Variants in BECN2 observed in about 807,000 individuals in gnomAD.
BECN2 encodes the protein beclin-2.
For missense variants in BECN2, 428 were observed against 507.9 expected (o/e 0.84, Z 1.51); for synonymous variants, 173 against 220.1 (o/e 0.79, Z 1.90).
chr1:241,957,876 C>G lies in BECN2; in HGVS notation c.110C>G (p.Ala37Gly). Reference sequence around the variant, plus strand: ...GCCCCGGCGCCCACCTCTGGGCAGGCTGAGCCCGGAGACACCCGGGAGCCC... The same window carrying G: ...GCCCCGGCGCCCACCTCTGGGCAGGGTGAGCCCGGAGACACCCGGGAGCCC... ...PAAPAPTSGQ[A>G]EPGDTREPGV... The change falls in exon 1 of 1, where the codon GCT becomes GGT. Residue 37 changes from alanine (A) to glycine (G), a missense_variant. Coordinates refer to ENST00000419583, the MANE Select transcript of BECN2 (RefSeq NM_001290693.1). 5 of 1,231,442 alleles carry G rather than the reference C, an allele frequency of 4.1e-6. No individual in the cohort carries two copies. In the African/African-American group the frequency reaches 7.8e-5, roughly 19 times the overall value. 76.3% of individuals were successfully genotyped at this position (1,231,442 alleles called of 1,614,324 possible). A position where few individuals can be genotyped will look rare whatever the true frequency, so the allele number is the denominator to read the frequency against.
In BECN2 at chr1:241,958,292, C is replaced by T. The variant is rs1664461315; in HGVS notation, c.526C>T (p.Leu176=). Residue 176 remains leucine, a synonymous_variant, in exon 1 of 1, where the codon CTG becomes TTG. Transcript: ENST00000419583. The part of the protein sequence containing the change: ...LRDLELEEAR[L]VQELEDVDRN... The stretch of plus-strand genomic sequence containing the variant: ...GGACCTGGAGCTGGAGGAGGCCAGG[C>T]TGGTGCAGGAGCTGGAGGATGTGGA... 5 of 1,233,784 alleles carry T rather than the reference C, an allele frequency of 4.1e-6. No individual in the cohort carries two copies. In the South Asian group the frequency reaches 2.1e-4, roughly 51 times the overall value. 76.4% of individuals were successfully genotyped at this position (1,233,784 alleles called of 1,614,324 possible).
In BECN2 at chr1:241,958,083, T is replaced by G; in HGVS notation, c.317T>G (p.Ile106Arg). 8.1e-7 allele frequency: 1 copy of G among 1,231,952 alleles called. No individual in the cohort carries two copies. The highest frequency in any genetic ancestry group is 1.0e-6 in the Non-Finnish European group (1 of 988,120). 76.3% of individuals were successfully genotyped at this position (1,231,952 alleles called of 1,614,324 possible). A position where few individuals can be genotyped will look rare whatever the true frequency, so the allele number is the denominator to read the frequency against. The change falls in exon 1 of 1, where the codon ATA becomes AGA. Residue 106 changes from isoleucine to arginine, a missense_variant. Ile to Arg is a moderately conservative substitution (Grantham distance 97, BLOSUM62 -3). Coordinates refer to ENST00000419583, the MANE Select transcript of BECN2 (RefSeq NM_001290693.1). ...IQKAAGDIFD[I>R]VSGQAVVDHP... Reference sequence around the variant, plus strand: ...AAGGCAGCTGGTGACATTTTTGACATAGTCTCTGGCCAAGCAGTTGTGGAC... The same window carrying G: ...AAGGCAGCTGGTGACATTTTTGACAGAGTCTCTGGCCAAGCAGTTGTGGAC...
At position 241,958,531 on chromosome 1, in the gene BECN2, G is replaced by T; in HGVS notation, c.765G>T (p.Thr255=). Residue 255 remains threonine (T), a synonymous_variant, in exon 1 of 1, where the codon ACG becomes ACT. Transcript: ENST00000419583. ...AGGAAATCAACTGTTTCACCGCCAC[G>T]TTTGAGATCTGGGTGGAGGGCCCCT... ...RLKEINCFTA[T]FEIWVEGPLG... 6.5e-6 allele frequency: 8 copies of T among 1,231,796 alleles called. No homozygotes were observed. Among genetic ancestry groups the T allele is most frequent in the Admixed American group, 4.2e-5 (1 of 23,710 alleles). 76.3% of individuals were successfully genotyped at this position (1,231,796 alleles called of 1,614,324 possible). A position where few individuals can be genotyped will look rare whatever the true frequency, so the allele number is the denominator to read the frequency against.
Position 241,957,803 on chromosome 1 carries a change from C to A in BECN2, c.37C>A (p.Gln13Lys), listed in dbSNP as rs969447773. The change falls in exon 1 of 1, where the codon CAG becomes AAG. Residue 13 changes from glutamine (Q) to lysine (K), a missense_variant. Physicochemically the swap from Gln to Lys is moderately conservative, Grantham distance 53. Transcript: ENST00000419583. Reference protein sequence around the residue: ...SIRFLCQRCHQALKLSGSSES... With the variant: ...SIRFLCQRCHKALKLSGSSES... ...CCGCTTCCTGTGCCAGCGCTGCCAC[C>A]AGGCCCTGAAGCTGAGCGGCTCCTC... 4.1e-5 allele frequency: 50 copies of A among 1,231,700 alleles called. No individual in the cohort carries two copies. The highest frequency in any genetic ancestry group is 4.7e-5 in the Non-Finnish European group (46 of 988,024). The allele number at this position is 1,231,700 out of a possible 1,614,324, so 76.3% of individuals were successfully genotyped here. A position where few individuals can be genotyped will look rare whatever the true frequency, so the allele number is the denominator to read the frequency against.
chr1:241,958,914 G>GTCCCT, the BECN2 span: 1 of 1,231,794 alleles, frequency 8.1e-7, no homozygotes. Context: ...GTGGAGACAG[G>GTCCCT]CCTGATGGAG....
chr1:241,957,841 C>A lies in BECN2; in HGVS notation c.75C>A (p.Ser25Arg). Residue 25 changes from serine (S) to arginine (R), a missense_variant, in exon 1 of 1, where the codon AGC (serine) becomes AGA (arginine). Transcript: ENST00000419583. ...LKLSGSSESRSLPAAPAPTSG... is the reference protein window; with the variant it reads ...LKLSGSSESRRLPAAPAPTSG... The stretch of plus-strand genomic sequence containing the variant: ...TGAGCGGCTCCTCGGAGTCTAGGAG[C>A]CTCCCTGCAGCCCCGGCGCCCACCT... 8.1e-7 allele frequency: 1 copy of A among 1,231,820 alleles called. No homozygotes were observed. Among genetic ancestry groups the A allele is most frequent in the Non-Finnish European group, 1.0e-6 (1 of 988,052 alleles). The allele number at this position is 1,231,820 out of a possible 1,614,324, so 76.3% of individuals were successfully genotyped here. A position where few individuals can be genotyped will look rare whatever the true frequency, so the allele number is the denominator to read the frequency against.
chr1:241,957,898 G>T lies in BECN2; in HGVS notation c.132G>T (p.Glu44Asp). The change falls in exon 1 of 1, where the codon GAG becomes GAT. Residue 44 changes from glutamate to aspartate, a missense_variant. By Grantham distance (45) the Glu-to-Asp change is conservative. Transcript: ENST00000419583. ...AGGCTGAGCCCGGAGACACCCGGGA[G>T]CCCGGCGTCACCACCAGGGAGGTGA... Reference protein sequence around the residue: ...SGQAEPGDTREPGVTTREVTD... With the variant: ...SGQAEPGDTRDPGVTTREVTD... 8.1e-7 allele frequency: 1 copy of T among 1,231,230 alleles called. No homozygotes were observed. Among genetic ancestry groups the T allele is most frequent in the Non-Finnish European group, 1.0e-6 (1 of 988,090 alleles). The allele number at this position is 1,231,230 out of a possible 1,614,324, so 76.3% of individuals were successfully genotyped here. A position where few individuals can be genotyped will look rare whatever the true frequency, so the allele number is the denominator to read the frequency against.
chr1:241,957,973 C>A lies in BECN2; in HGVS notation c.207C>A (p.Gly69=), dbSNP rs1664453693. The A allele has an allele frequency of 3.2e-6, 4 of 1,231,834 alleles. No individual in the cohort carries two copies. Among genetic ancestry groups the A allele is most frequent in the Non-Finnish European group, 4.0e-6 (4 of 988,042 alleles). The allele number at this position is 1,231,834 out of a possible 1,614,324, so 76.3% of individuals were successfully genotyped here. The change falls in exon 1 of 1, where the codon GGC becomes GGA. Residue 69 remains glycine (G), a synonymous_variant. Coordinates refer to ENST00000419583, the MANE Select transcript of BECN2 (RefSeq NM_001290693.1). ...GTGCCTCTAGCAGATCCCCTCCAGG[C>A]GATGGCAGTGTGTCCAAGGGCCATG... ...QDGASSRSPP[G]DGSVSKGHAN...
chr1:241,958,246 G>A lies in BECN2; in HGVS notation c.480G>A (p.Ala160=), dbSNP rs2148586869. 8 of 1,233,960 alleles carry A rather than the reference G, an allele frequency of 6.5e-6. No homozygotes were observed. Among genetic ancestry groups the A allele is most frequent in the South Asian group, 8.2e-5 (2 of 24,368 alleles). The allele number at this position is 1,233,960 out of a possible 1,614,324, so 76.4% of individuals were successfully genotyped here. ...GELATSEDEA[A]ALRAELRDLE... is the part of the protein sequence containing the mutation. ...TGGCGACCAGCGAGGACGAGGCGGCGGCGCTGCGGGCGGAGCTGCGGGACC... is the reference window on the plus strand; with the variant it reads ...TGGCGACCAGCGAGGACGAGGCGGCAGCGCTGCGGGCGGAGCTGCGGGACC... Residue 160 remains alanine (A), a synonymous_variant, in exon 1 of 1, where the codon GCG becomes GCA. Coordinates refer to ENST00000419583, the MANE Select transcript of BECN2 (RefSeq NM_001290693.1).
At position 241,958,938 on chromosome 1, in the gene BECN2, G is replaced by T; in HGVS notation, c.1172G>T (p.Arg391Leu). 1 of 1,231,830 alleles carries T rather than the reference G, an allele frequency of 8.1e-7. No individual in the cohort carries two copies. Among genetic ancestry groups the T allele is most frequent in the African/African-American group, 1.5e-5 (1 of 64,540 alleles). The allele number at this position is 1,231,830 out of a possible 1,614,324, so 76.3% of individuals were successfully genotyped here. ...GGCCTGATGGAGGACGTTGGCGGCC[G>T]AGGGGAATGCTATTCCATCAGAACC... ...ETGLMEDVGG[R>L]GECYSIRTHL... is the part of the protein sequence containing the mutation. The change falls in exon 1 of 1, where the codon CGA becomes CTA. Residue 391 changes from arginine (R) to leucine (L), a missense_variant. By Grantham distance (102) the Arg-to-Leu change is moderately radical. Transcript: ENST00000419583.
In BECN2 at chr1:241,958,347, T is replaced by G. The variant is rs929480534; in HGVS notation, c.581T>G (p.Leu194Arg). ...DRNNARAAAD[L>R]QAAQAEAAEL... ...AACAATGCAAGAGCAGCGGCGGATC[T>G]CCAGGCAGCCCAGGCAGAGGCTGCG... The change falls in exon 1 of 1, where the codon CTC becomes CGC. Residue 194 changes from leucine (L) to arginine (R), a missense_variant. Leu to Arg is a moderately radical substitution (Grantham distance 102). Coordinates refer to ENST00000419583, the MANE Select transcript of BECN2 (RefSeq NM_001290693.1). 8.1e-7 allele frequency: 1 copy of G among 1,233,040 alleles called. No homozygotes were observed. Among genetic ancestry groups the G allele is most frequent in the Non-Finnish European group, 1.0e-6 (1 of 989,098 alleles). 76.4% of individuals were successfully genotyped at this position (1,233,040 alleles called of 1,614,324 possible).
rs1322978892 is a variant in BECN2 at position 241,958,641 on chromosome 1, C to A, written c.875C>A (p.Ala292Glu). 5 of 1,231,694 alleles carry A rather than the reference C, an allele frequency of 4.1e-6. No homozygotes were observed. Among genetic ancestry groups the A allele is most frequent in the Non-Finnish European group, 4.0e-6 (4 of 988,036 alleles). 76.3% of individuals were successfully genotyped at this position (1,231,694 alleles called of 1,614,324 possible). The change falls in exon 1 of 1, where the codon GCG becomes GAG. Residue 292 changes from alanine to glutamate, a missense_variant. Transcript: ENST00000419583. ...GAGATTAACACTGCCTGGGGACAGG[C>A]GGCCTTGCTGCTCCTTACCCTGGCC... ...WNEINTAWGQ[A>E]ALLLLTLANT... is the part of the protein sequence containing the mutation.
Position 241,958,307 on chromosome 1 carries a change from G to C in BECN2, c.541G>C (p.Glu181Gln). Residue 181 changes from glutamate (E) to glutamine (Q), a missense_variant, in exon 1 of 1, where the codon GAG becomes CAG. Glu to Gln is a conservative substitution (Grantham distance 29). Coordinates refer to ENST00000419583, the MANE Select transcript of BECN2 (RefSeq NM_001290693.1). The stretch of plus-strand genomic sequence containing the variant: ...GGAGGCCAGGCTGGTGCAGGAGCTG[G>C]AGGATGTGGACAGGAACAATGCAAG... Reference protein sequence around the residue: ...LEEARLVQELEDVDRNNARAA... With the variant: ...LEEARLVQELQDVDRNNARAA... 3.2e-6 allele frequency: 4 copies of C among 1,233,878 alleles called. No individual in the cohort carries two copies. Among genetic ancestry groups the C allele is most frequent in the Non-Finnish European group, 4.0e-6 (4 of 989,628 alleles). The allele number at this position is 1,233,878 out of a possible 1,614,324, so 76.4% of individuals were successfully genotyped here.
Position 241,958,878 on chromosome 1 carries a change from G to C in BECN2, c.1112G>C (p.Gly371Ala), listed in dbSNP as rs1388354696. The change falls in exon 1 of 1, where the codon GGC (glycine) becomes GCC (alanine). Residue 371 changes from glycine (G) to alanine (A), a missense_variant. Physicochemically the swap from Gly to Ala is moderately conservative, Grantham distance 60 (BLOSUM62 0). Coordinates refer to ENST00000419583, the MANE Select transcript of BECN2 (RefSeq NM_001290693.1). ...FKEEAEKGEL[G>A]LSLPYGIQVE... ...GAAGAGGCTGAGAAGGGTGAGCTGGGCCTCTCTCTGCCCTACGGGATCCAG... is the reference window on the plus strand; with the variant it reads ...GAAGAGGCTGAGAAGGGTGAGCTGGCCCTCTCTCTGCCCTACGGGATCCAG... 2.4e-6 allele frequency: 3 copies of C among 1,231,718 alleles called. No individual in the cohort carries two copies. The East Asian group carries it at 9.5e-5, about 39-fold the overall frequency. The allele number at this position is 1,231,718 out of a possible 1,614,324, so 76.3% of individuals were successfully genotyped here.
In BECN2 at chr1:241,958,563, T is replaced by C. The variant is rs905401257; in HGVS notation, c.797T>C (p.Val266Ala). The C allele has an allele frequency of 4.1e-6, 5 of 1,231,776 alleles. No individual in the cohort carries two copies. Among genetic ancestry groups the C allele is most frequent in the Non-Finnish European group, 4.0e-6 (4 of 988,024 alleles). The allele number at this position is 1,231,776 out of a possible 1,614,324, so 76.3% of individuals were successfully genotyped here. Reference protein sequence around the residue: ...FEIWVEGPLGVINNFRLGRLP... With the variant: ...FEIWVEGPLGAINNFRLGRLP... ...ATCTGGGTGGAGGGCCCCTTGGGCGTCATCAATAACTTCAGGTTGGGCCGC... is the reference window on the plus strand; with the variant it reads ...ATCTGGGTGGAGGGCCCCTTGGGCGCCATCAATAACTTCAGGTTGGGCCGC... The change falls in exon 1 of 1, where the codon GTC (valine) becomes GCC (alanine). Residue 266 changes from valine to alanine, a missense_variant. Transcript: ENST00000419583.
rs938187093 is a variant in BECN2 at position 241,958,569 on chromosome 1, A to G, written c.803A>G (p.Asn268Ser). ...GTGGAGGGCCCCTTGGGCGTCATCA[A>G]TAACTTCAGGTTGGGCCGCCTCCCC... ...IWVEGPLGVINNFRLGRLPTV... is the reference protein window; with the variant it reads ...IWVEGPLGVISNFRLGRLPTV... The change falls in exon 1 of 1, where the codon AAT (asparagine) becomes AGT (serine). Residue 268 changes from asparagine (N) to serine (S), a missense_variant. Transcript: ENST00000419583. 134 of 1,231,692 alleles carry G rather than the reference A, an allele frequency of 1.1e-4. No homozygotes were observed. Among genetic ancestry groups the G allele is most frequent in the Non-Finnish European group, 1.2e-4 (123 of 988,042 alleles). 76.3% of individuals were successfully genotyped at this position (1,231,692 alleles called of 1,614,324 possible).
At position 241,958,928 on chromosome 1, in the gene BECN2, G is replaced by A; in HGVS notation, c.1162G>A (p.Val388Ile). The change falls in exon 1 of 1, where the codon GTT becomes ATT. Residue 388 changes from valine (V) to isoleucine (I), a missense_variant. Physicochemically the swap from Val to Ile is conservative, Grantham distance 29. Coordinates refer to ENST00000419583, the MANE Select transcript of BECN2 (RefSeq NM_001290693.1). ...GGTGGAGACAGGCCTGATGGAGGAC[G>A]TTGGCGGCCGAGGGGAATGCTATTC... is the stretch of plus-strand genomic sequence containing the variant. ...IQVETGLMED[V>I]GGRGECYSIR... 1.6e-6 allele frequency: 2 copies of A among 1,231,852 alleles called. No individual in the cohort carries two copies. The highest frequency in any genetic ancestry group is 3.2e-5 in the East Asian group (1 of 31,700). 76.3% of individuals were successfully genotyped at this position (1,231,852 alleles called of 1,614,324 possible).
chr1:241,958,266 G>C lies in BECN2; in HGVS notation c.500G>C (p.Arg167Pro), dbSNP rs755412110. Reference protein sequence around the residue: ...DEAAALRAELRDLELEEARLV... With the variant: ...DEAAALRAELPDLELEEARLV... ...GCGGCGGCGCTGCGGGCGGAGCTGC[G>C]GGACCTGGAGCTGGAGGAGGCCAGG... Residue 167 changes from arginine (R) to proline (P), a missense_variant, in exon 1 of 1, where the codon CGG (arginine) becomes CCG (proline). Coordinates refer to ENST00000419583, the MANE Select transcript of BECN2 (RefSeq NM_001290693.1). The C allele has an allele frequency of 5.5e-4, 684 of 1,233,956 alleles. 1 individual carries two copies. Among genetic ancestry groups the C allele is most frequent in the Non-Finnish European group, 6.7e-4 (664 of 989,778 alleles). 76.4% of individuals were successfully genotyped at this position (1,233,956 alleles called of 1,614,324 possible). A position where few individuals can be genotyped will look rare whatever the true frequency, so the allele number is the denominator to read the frequency against.
rs1387384924 is a variant in BECN2 at position 241,958,643 on chromosome 1, G to T, written c.877G>T (p.Ala293Ser). 1 of 1,231,686 alleles carries T rather than the reference G, an allele frequency of 8.1e-7. No individual in the cohort carries two copies. The highest frequency in any genetic ancestry group is 1.0e-6 in the Non-Finnish European group (1 of 988,050). The allele number at this position is 1,231,686 out of a possible 1,614,324, so 76.3% of individuals were successfully genotyped here. ...GATTAACACTGCCTGGGGACAGGCGGCCTTGCTGCTCCTTACCCTGGCCAA... is the reference window on the plus strand; with the variant it reads ...GATTAACACTGCCTGGGGACAGGCGTCCTTGCTGCTCCTTACCCTGGCCAA... ...NEINTAWGQAALLLLTLANTI... is the reference protein window; with the variant it reads ...NEINTAWGQASLLLLTLANTI... Residue 293 changes from alanine (A) to serine (S), a missense_variant, in exon 1 of 1, where the codon GCC becomes TCC. By Grantham distance (99) the Ala-to-Ser change is moderately conservative. Coordinates refer to ENST00000419583, the MANE Select transcript of BECN2 (RefSeq NM_001290693.1).
Sources: gnomAD v4.1 joint callset for allele counts on GRCh38, gnomAD v4.1.1 for gene constraint, MANE v1.5 for transcripts, NCBI Gene and HGNC (gene_info 2026-07-23, HGNC 2026-07-21) for gene names.